The following DYNC2LI1 variants were observed in gnomAD, a reference collection of about 807,000 sequenced individuals.
The protein encoded by DYNC2LI1 is dynein cytoplasmic 2 light intermediate chain 1.
In DYNC2LI1, 45 loss-of-function variants were observed where a neutral mutation model predicts 51.9. The observed-to-expected ratio is 0.87, with a 90% CI of 0.68 to 1.11. DYNC2LI1 has a LOEUF of 1.11. DYNC2LI1 is among the 50% of genes most tolerant of loss of function. DYNC2LI1 has a pLI of 0.00. For missense variants in DYNC2LI1, 490 were observed against 417.4 expected, an observed-to-expected ratio of 1.17 and a Z score of -1.51; for synonymous variants, 130 against 137.8, an observed-to-expected ratio of 0.94 and a Z score of 0.40.
intron 5 of DYNC2LI1, among the ~76,000 whole-genome samples, chr2:43,790,152 C>T (rs1673708160): frequency 6.6e-6 from 1 of 152,154 alleles, no homozygotes; most frequent in African/African-American, 2.4e-5. Context: ...CTTGAAGCTT[C>T]ATTTAAAGGA....
At chr2:43,822,620 G>C in the DYNC2LI1 span, 4 of 984,646 alleles carry the variant, frequency 4.1e-6, no homozygotes, top group African/African-American at 1.7e-5. Flanking sequence ...ACCCACAGTT[G>C]GGCTATTTAC....
rs1354535162 is a variant in DYNC2LI1 at position 43,789,618 on chromosome 2, A to G, written c.232-15A>G. On this transcript the variant is annotated splice_polypyrimidine_tract_variant and intron_variant, in intron 4 of 12. Coordinates refer to ENST00000260605, the MANE Select transcript of DYNC2LI1 (RefSeq NM_016008.4). ...GTACTTAAACTTCAAAAAATCAAAA[A>G]TTTTTGTTTTTCAGCCAAAAGATAT... is the stretch of plus-strand genomic sequence containing the variant. The G allele has an allele frequency of 1.2e-6, 2 of 1,611,440 alleles. No homozygotes were observed. The highest frequency in any genetic ancestry group is 1.7e-6 in the Non-Finnish European group (2 of 1,178,878).
chr2:43,794,920 T>C lies in DYNC2LI1; in HGVS notation c.507+277T>C, dbSNP rs142546198. Reference sequence around the variant, plus strand: ...GAGTTTTAAAGTAGTGGTTTGATATTGATTTTATAATCTCTGTAAAAATGA... The same window carrying C: ...GAGTTTTAAAGTAGTGGTTTGATATCGATTTTATAATCTCTGTAAAAATGA... On this transcript the variant is annotated intron_variant, in intron 6 of 12. Coordinates refer to ENST00000260605, the MANE Select transcript of DYNC2LI1 (RefSeq NM_016008.4). The C allele has an allele frequency of 2.7e-5, 37 of 1,346,702 alleles. No individual in the cohort carries two copies. The East Asian group carries it at 9.4e-4, about 34-fold the overall frequency. The allele number at this position is 1,346,702 out of a possible 1,614,324, so 83.4% of individuals were successfully genotyped here.
chr2:43,810,183 T>C (rs900543845), downstream of DYNC2LI1, among the ~76,000 whole-genome samples: 1 of 152,196 alleles, frequency 6.6e-6, no homozygotes, highest in Admixed American at 6.5e-5. Context: ...GAAACCGGAA[T>C]TGGGTTCACA....
chr2:43,804,547 G>A (rs900744948), intron 10 of DYNC2LI1, 95 bp from the exon 11 acceptor site: 12 of 782,106 alleles, frequency 1.5e-5, no homozygotes, highest in South Asian at 6.6e-5. Context: ...TGAGTGATCC[G>A]AGATGTATAC....
chr2:43,785,544 G>C (rs1673486230), intron 3 of DYNC2LI1, among the ~76,000 whole-genome samples: 1 of 151,840 alleles, frequency 6.6e-6, no homozygotes, highest in Admixed American at 6.6e-5. Context: ...GATCAGCCTG[G>C]CCAACATAGT....
At chr2:43,791,003 T>A (rs1479884387) in intron 5 of DYNC2LI1, among the ~76,000 whole-genome samples, 4 of 151,982 alleles carry the variant, frequency 2.6e-5, no homozygotes, top group Non-Finnish European at 5.9e-5. Flanking sequence ...TCACTTGAGG[T>A]CTGGAGTTCA....
rs527385102 is a variant in DYNC2LI1, at chr2:43,809,836, C to T, written c.*69C>T. The T allele has an allele frequency of 6.2e-5, 95 of 1,529,414 alleles. No individual in the cohort carries two copies. In the African/African-American group the frequency reaches 1.3e-3, roughly 21 times the overall value. The allele number at this position is 1,529,414 out of a possible 1,614,324, so 94.7% of individuals were successfully genotyped here. A position where few individuals can be genotyped will look rare whatever the true frequency, so the allele number is the denominator to read the frequency against. ...CAAATAAGATTATACTGTGAATTAA[C>T]TATTGTGGCAATATGTGAAGAAAGT... is the stretch of plus-strand genomic sequence containing the variant. On this transcript the variant is annotated 3_prime_UTR_variant, in exon 13 of 13. Transcript: ENST00000260605.
chr2:43,787,832 T>G (rs1006067877), intron 4 of DYNC2LI1, among the ~76,000 whole-genome samples: 1 of 152,114 alleles, frequency 6.6e-6, no homozygotes, highest in Non-Finnish European at 1.5e-5. Flanking sequence ...AGATCATTTC[T>G]TAAAGTTAAG....
intron 2 of DYNC2LI1, among the ~76,000 whole-genome samples, chr2:43,780,511 G>A (rs911072019): frequency 2.0e-5 from 3 of 152,178 alleles, no homozygotes; most frequent in Non-Finnish European, 4.4e-5. Context: ...GCACTGGGGA[G>A]CAAGGAGGAC....
At chr2:43,801,553 G>T in intron 9 of DYNC2LI1, 86 bp from the exon 10 acceptor site, 1 of 931,292 alleles carries the variant, frequency 1.1e-6, no homozygotes, top group South Asian at 1.6e-5. Context: ...AAAACTAGCC[G>T]ATAATATTGC....
At chr2:43,816,638 G>A in the DYNC2LI1 span, among the ~76,000 whole-genome samples, 1 of 152,154 alleles carries the variant, frequency 6.6e-6, no homozygotes, top group Non-Finnish European at 1.5e-5. Flanking sequence ...CCGCCTCCCA[G>A]GTTCAGGTGA....
In DYNC2LI1 at chr2:43,776,773, C is replaced by G. The variant is rs1330261033; in HGVS notation, c.9-9C>G. ...TCCCTCAATTTTGTTTTTTCTGCCT[C>G]TCATGTAGTGAAACTCTCTGGGAAA... On this transcript the variant is annotated splice_polypyrimidine_tract_variant and intron_variant, in intron 1 of 12. Coordinates refer to ENST00000260605, the MANE Select transcript of DYNC2LI1 (RefSeq NM_016008.4). The G allele has an allele frequency of 4.1e-6, 6 of 1,478,106 alleles. No homozygotes were observed. Among genetic ancestry groups the G allele is most frequent in the African/African-American group, 1.4e-5 (1 of 70,308 alleles). 91.6% of individuals were successfully genotyped at this position (1,478,106 alleles called of 1,614,324 possible). A position where few individuals can be genotyped will look rare whatever the true frequency, so the allele number is the denominator to read the frequency against.
the DYNC2LI1 span, chr2:43,826,238 G>T: frequency 2.6e-6 from 3 of 1,148,956 alleles, no homozygotes; most frequent in Non-Finnish European, 1.3e-6. Flanking sequence ...GGCCTCAAGT[G>T]CTCCTCCTGC....
intron 6 of DYNC2LI1, 33 bp from the exon 7 acceptor site, chr2:43,795,857 T>G: frequency 6.4e-7 from 1 of 1,564,324 alleles, no homozygotes; most frequent in Non-Finnish European, 8.8e-7. Flanking sequence ...AATAAAGAAT[T>G]ACAACAACTC....
At chr2:43,806,605 A>C (rs902949283) in intron 12 of DYNC2LI1, among the ~76,000 whole-genome samples, 1 of 152,198 alleles carries the variant, frequency 6.6e-6, no homozygotes, top group Non-Finnish European at 1.5e-5. Context: ...ATCCCTGATT[A>C]ATATTTATCT....
chr2:43,810,551 T>C, downstream of DYNC2LI1: 2 of 977,586 alleles, frequency 2.0e-6, no homozygotes, highest in Non-Finnish European at 2.4e-6. Context: ...TGATTAAAAA[T>C]GATTTATTCT....
At chr2:43,791,402 G>T (rs1177898691) in intron 5 of DYNC2LI1, among the ~76,000 whole-genome samples, 1 of 152,140 alleles carries the variant, frequency 6.6e-6, no homozygotes, top group Non-Finnish European at 1.5e-5. Flanking sequence ...GCCTGCTGGG[G>T]TTGTGGAAAT....
chr2:43,795,509 A>G (rs1460809800), intron 6 of DYNC2LI1, among the ~76,000 whole-genome samples: 3 of 152,032 alleles, frequency 2.0e-5, no homozygotes, highest in Non-Finnish European at 4.4e-5. Flanking sequence ...CCTCAAAAGA[A>G]AAAAAAAGAG....
Sources: allele counts gnomAD v4.1 joint callset (sites outside exome capture counted in the v4.1 genomes callset), GRCh38; gene constraint gnomAD v4.1.1; transcripts MANE v1.5; gene names NCBI Gene and HGNC (gene_info 2026-07-23, HGNC 2026-07-21).